AGBL1: variants seen among roughly 807,000 people sequenced by gnomAD.
The protein encoded by AGBL1 is AGBL carboxypeptidase 1, also known as cytosolic carboxypeptidase 4.
Under a neutral mutation model 118.9 loss-of-function variants are expected in AGBL1, and 130 were observed. The observed-to-expected ratio is 1.09, with a 90% CI of 0.95 to 1.26. The LOEUF (loss-of-function observed/expected upper bound fraction) is 1.26, where lower values mean the gene tolerates loss of function less well. Ranked by LOEUF, AGBL1 falls within the 50% of genes most tolerant of loss-of-function variation. AGBL1 has a pLI of 0.00. For missense variants in AGBL1, 1,584 were observed against 1,298.1 expected, an observed-to-expected ratio of 1.22 and a Z score of -3.38; for synonymous variants, 555 against 478.9, an observed-to-expected ratio of 1.16 and a Z score of -2.08.
At chr15:86,412,025 C>T (rs926952035) in intron 18 of AGBL1, among the ~76,000 whole-genome samples, 2 of 152,096 alleles carry the variant, frequency 1.3e-5, no homozygotes, top group Non-Finnish European at 2.9e-5. Context: ...GACATTTGGC[C>T]CAAGGAATCC....
intron 22 of AGBL1, among the ~76,000 whole-genome samples, chr15:86,768,954 G>A (rs1216655326): frequency 6.6e-6 from 1 of 151,908 alleles, no homozygotes; most frequent in African/African-American, 2.4e-5. Context: ...AAGGGTGTGA[G>A]GTTTTTAACC....
intron 22 of AGBL1, among the ~76,000 whole-genome samples, chr15:86,854,704 T>C (rs1318253943): frequency 2.0e-5 from 3 of 152,156 alleles, no homozygotes; most frequent in African/African-American, 7.2e-5. Context: ...TGATAAATGT[T>C]CACTGAAATA....
intron 22 of AGBL1, among the ~76,000 whole-genome samples, chr15:86,765,685 C>G (rs1234553077): frequency 6.6e-6 from 1 of 151,926 alleles, no homozygotes; most frequent in Non-Finnish European, 1.5e-5. Flanking sequence ...TGAAGAATGA[C>G]TAGACTTCGG....
chr15:86,918,321 C>T (rs2080449478), downstream of AGBL1, among the ~76,000 whole-genome samples: 1 of 152,102 alleles, frequency 6.6e-6, no homozygotes, highest in East Asian at 1.9e-4. Flanking sequence ...GGAGAGGCTG[C>T]ATTTGGGTTT....
intron 23 of AGBL1, among the ~76,000 whole-genome samples, chr15:86,963,844 C>A (rs1240416986): frequency 2.6e-5 from 4 of 151,914 alleles, no homozygotes; most frequent in Non-Finnish European, 4.4e-5. Flanking sequence ...TTTCCCAGCA[C>A]TACCTAGTAC....
chr15:86,871,409 G>A (rs751881868), intron 22 of AGBL1, among the ~76,000 whole-genome samples: 7 of 152,148 alleles, frequency 4.6e-5, no homozygotes, highest in Non-Finnish European at 8.8e-5. Context: ...ATGAGTCATA[G>A]TTTTATTAGA....
chr15:86,988,996 CT>C (rs762271338), intron 24 of AGBL1, among the ~76,000 whole-genome samples: 26,937 of 114,250 alleles, frequency 0.24, 2,738 homozygotes, highest in East Asian at 0.37. Context: ...TTTCCCCCTG[CT>C]TTTTTTTTTT....
chr15:86,582,269 G>A (rs2084181708), intron 21 of AGBL1, among the ~76,000 whole-genome samples: 1 of 152,064 alleles, frequency 6.6e-6, no homozygotes, highest in Admixed American at 6.6e-5. Flanking sequence ...AGAAAGACTT[G>A]GTTATCTAAG....
chr15:86,257,774 C>T (rs575406470), intron 8 of AGBL1, among the ~76,000 whole-genome samples, 190 bp from the exon 9 acceptor site: 3 of 152,194 alleles, frequency 2.0e-5, no homozygotes, highest in East Asian at 1.9e-4. Context: ...CTTAGTGCCC[C>T]GACATGCCTA....
chr15:86,952,492 G>A (rs2080889740), intron 23 of AGBL1, among the ~76,000 whole-genome samples: 1 of 152,018 alleles, frequency 6.6e-6, no homozygotes, highest in South Asian at 2.1e-4. Flanking sequence ...CTTGCTACTT[G>A]TAAAAAAATT....
At chr15:86,323,460 G>A (rs530503531) in intron 17 of AGBL1, among the ~76,000 whole-genome samples, 4 of 151,958 alleles carry the variant, frequency 2.6e-5, no homozygotes, top group South Asian at 2.1e-4. Context: ...GGCTGTGTAA[G>A]CCTCAGTATT....
At chr15:86,606,924 G>A (rs1324178645) in intron 21 of AGBL1, among the ~76,000 whole-genome samples, 1 of 152,070 alleles carries the variant, frequency 6.6e-6, no homozygotes, top group African/African-American at 2.4e-5. Flanking sequence ...GTGTCATATA[G>A]AGTCGTTTTA....
At chr15:86,970,998 T>A (rs1029670706) in intron 23 of AGBL1, among the ~76,000 whole-genome samples, 1 of 152,054 alleles carries the variant, frequency 6.6e-6, no homozygotes, top group African/African-American at 2.4e-5. Context: ...CAGGAGAATG[T>A]GTGTAGATGA....
At chr15:86,588,560 A>G (rs2084287668) in intron 21 of AGBL1, among the ~76,000 whole-genome samples, 2 of 152,196 alleles carry the variant, frequency 1.3e-5, no homozygotes, top group South Asian at 2.1e-4. Context: ...TCATATGCAG[A>G]TAGAACTCAT....
At chr15:86,255,999 C>T (rs555797617) in intron 7 of AGBL1, among the ~76,000 whole-genome samples, 2 of 152,286 alleles carry the variant, frequency 1.3e-5, no homozygotes, top group South Asian at 4.1e-4. Context: ...ACTTATTGGC[C>T]TCAGAGCTTT....
chr15:86,795,253 G>C (rs574089405), intron 22 of AGBL1, among the ~76,000 whole-genome samples: 81 of 152,270 alleles, frequency 5.3e-4, no homozygotes, highest in Admixed American at 3.3e-3. Context: ...GGGAGACATG[G>C]GGATAGACAA....
intron 22 of AGBL1, among the ~76,000 whole-genome samples, chr15:86,748,510 CTTTTTTTTTTTTTT>C (rs752203969): frequency 0.013 from 124 of 9,758 alleles, no homozygotes; most frequent in South Asian, 0.026. Context: ...TCAATTTTGG[CTTTTTTTTTTTTTT>C]TTTTTTTTTT....
chr15:86,085,405 G>A (rs1380471712), intron 1 of AGBL1, among the ~76,000 whole-genome samples: 3 of 152,150 alleles, frequency 2.0e-5, no homozygotes, highest in Admixed American at 1.3e-4. Context: ...ATGCTGGAGG[G>A]TCTTGAGTGG....
At chr15:86,246,255 G>T (rs1597616865) in intron 6 of AGBL1, among the ~76,000 whole-genome samples, 1 of 152,206 alleles carries the variant, frequency 6.6e-6, no homozygotes, top group Non-Finnish European at 1.5e-5. Flanking sequence ...AGGGGGTAAA[G>T]TTAGTTGGGG....
Sources: allele counts gnomAD v4.1 joint callset (sites outside exome capture counted in the v4.1 genomes callset), GRCh38; gene constraint gnomAD v4.1.1; transcripts MANE v1.5; gene names NCBI Gene and HGNC (gene_info 2026-07-23, HGNC 2026-07-21).